Variants in BAZ1B observed in about 807,000 individuals in gnomAD.
The protein encoded by BAZ1B is tyrosine-protein kinase BAZ1B.
In BAZ1B, 22 loss-of-function variants were observed where a neutral mutation model predicts 153.8. That is an observed-to-expected ratio of 0.14 (90% confidence interval 0.10 to 0.20). BAZ1B has a LOEUF of 0.20. Ranked by LOEUF, BAZ1B falls within the 10% of genes least tolerant of loss-of-function variation. The probability of loss-of-function intolerance (pLI) is 1.00; values close to 1 mark genes in which losing one functional copy is unlikely to be tolerated. For synonymous variants in BAZ1B, 676 were observed against 633.4 expected, an observed-to-expected ratio of 1.07 and a Z score of -1.01; for missense variants, 1,325 against 1,799.3, an observed-to-expected ratio of 0.74 and a Z score of 4.77.
chr7:73,493,651 G>A (rs964807717), intron 4 of BAZ1B, among the ~76,000 whole-genome samples: 2 of 151,810 alleles, frequency 1.3e-5, no homozygotes, highest in Non-Finnish European at 2.9e-5. Flanking sequence ...GACCAGCCTG[G>A]GCAACATGGT....
chr7:73,487,315 G>A (rs781834514), intron 6 of BAZ1B, among the ~76,000 whole-genome samples: 34 of 152,110 alleles, frequency 2.2e-4, no homozygotes, highest in Non-Finnish European at 4.4e-4. Context: ...GTAGTCCCCA[G>A]CTACTAGTGA....
intron 6 of BAZ1B, 152 bp from the exon 7 acceptor site, chr7:73,478,721 G>C: frequency 1.5e-6 from 1 of 659,230 alleles, no homozygotes; most frequent in Non-Finnish European, 2.3e-6. Flanking sequence ...AAAAAACAAA[G>C]ACATGAATGT....
chr7:73,489,908 T>C (rs996896092), intron 5 of BAZ1B, among the ~76,000 whole-genome samples: 1 of 152,248 alleles, frequency 6.6e-6, no homozygotes, highest in Admixed American at 6.5e-5. Context: ...CTTTCAGCAA[T>C]TCCTCTCGTT....
intron 3 of BAZ1B, among the ~76,000 whole-genome samples, chr7:73,505,156 G>A (rs1420953130): frequency 6.6e-6 from 1 of 152,180 alleles, no homozygotes; most frequent in Non-Finnish European, 1.5e-5. Flanking sequence ...CCAAGGTCTA[G>A]CCAATAACAT....
intron 9 of BAZ1B, among the ~76,000 whole-genome samples, chr7:73,466,625 C>T (rs1788596430): frequency 6.6e-6 from 1 of 152,188 alleles, no homozygotes; most frequent in African/African-American, 2.4e-5. Context: ...AATCGTTACA[C>T]AGTTCCAAAG....
intron 1 of BAZ1B, among the ~76,000 whole-genome samples, chr7:73,518,063 G>C (rs1790883013): frequency 6.6e-6 from 1 of 152,104 alleles, no homozygotes; most frequent in African/African-American, 2.4e-5. Flanking sequence ...CTGTCTTTAA[G>C]TTAAAAACAA....
At chr7:73,505,172 G>T (rs1790286095) in intron 3 of BAZ1B, among the ~76,000 whole-genome samples, 1 of 152,188 alleles carries the variant, frequency 6.6e-6, no homozygotes, top group Middle Eastern at 3.2e-3. Context: ...AACATGTAAA[G>T]ATAAAGGGTG....
At chr7:73,491,330 G>A (rs1345217513) in intron 5 of BAZ1B, among the ~76,000 whole-genome samples, 1 of 152,090 alleles carries the variant, frequency 6.6e-6, no homozygotes, top group African/African-American at 2.4e-5. Context: ...CGGGCGTGGT[G>A]GATCACGCTT....
In BAZ1B at chr7:73,493,416, C is replaced by T. The variant is rs372283836; in HGVS notation, c.572-495G>A. Among the ~76,000 whole-genome samples the T allele has an allele frequency of 7.3e-4, 111 of 151,988 alleles. 4 individuals carry two copies. In the East Asian group the frequency reaches 0.014, roughly 19 times the overall value. Reference sequence around the variant, plus strand: ...CAGAGGTTGCAGTGAGCCAAGATCACGCCATTGCACTCCAGCCTGGGCAAC... The same window carrying T: ...CAGAGGTTGCAGTGAGCCAAGATCATGCCATTGCACTCCAGCCTGGGCAAC... On this transcript the variant is annotated intron_variant, in intron 4 of 19. Transcript: ENST00000339594.
chr7:73,484,052 G>C (rs1789301210), intron 6 of BAZ1B, among the ~76,000 whole-genome samples: 1 of 152,268 alleles, frequency 6.6e-6, no homozygotes, highest in East Asian at 1.9e-4. Flanking sequence ...TGGATCACAA[G>C]GTCCAGGGAT....
intron 4 of BAZ1B, among the ~76,000 whole-genome samples, chr7:73,494,033 G>C (rs1324323368): frequency 6.6e-6 from 1 of 152,060 alleles, no homozygotes; most frequent in African/African-American, 2.4e-5. Context: ...GCTAGCACTA[G>C]AGAACCAATG....
intron 13 of BAZ1B, among the ~76,000 whole-genome samples, chr7:73,458,071 G>A (rs1433370640): frequency 1.3e-5 from 2 of 152,204 alleles, no homozygotes; most frequent in African/African-American, 2.4e-5. Context: ...AGAGGGTCAT[G>A]AGAATCCTCA....
chr7:73,469,868 T>G (rs933931361), intron 8 of BAZ1B, among the ~76,000 whole-genome samples: 3 of 152,176 alleles, frequency 2.0e-5, no homozygotes, highest in African/African-American at 7.2e-5. Flanking sequence ...TCGTAATTTG[T>G]ATAATTTCTT....
intron 19 of BAZ1B, 104 bp downstream of exon 19, chr7:73,442,077 G>A (rs1787639189): frequency 1.3e-6 from 1 of 799,228 alleles, no homozygotes; most frequent in Admixed American, 2.4e-5. Flanking sequence ...AGCTTGGGAT[G>A]ACAGGCGTTT....
At chr7:73,448,912 G>T (rs1554567381) in intron 15 of BAZ1B, among the ~76,000 whole-genome samples, 2 of 152,192 alleles carry the variant, frequency 1.3e-5, no homozygotes. Context: ...TTCTGGTGTT[G>T]CAATAGTTGG....
chr7:73,479,565 T>C (rs568690581), intron 6 of BAZ1B, among the ~76,000 whole-genome samples: 1 of 151,250 alleles, frequency 6.6e-6, no homozygotes, highest in Admixed American at 6.6e-5. Flanking sequence ...CCATCCTCTC[T>C]TTGAACATAC....
rs1554571712 is a variant in BAZ1B, at chr7:73,469,655, A to G, written c.2733-5T>C. 1 of 1,613,946 alleles carries G rather than the reference A, an allele frequency of 6.2e-7. No individual in the cohort carries two copies. Among genetic ancestry groups the G allele is most frequent in the Non-Finnish European group, 8.5e-7 (1 of 1,179,884 alleles). On this transcript the variant is annotated splice_polypyrimidine_tract_variant and splice_region_variant and intron_variant, in intron 8 of 19. Transcript: ENST00000339594. ...TCATCTGAGAAGAGCCAGTATCTAC[A>G]AATCACAACCAGTATTAATAAGACA... is the stretch of plus-strand genomic sequence containing the variant.
intron 16 of BAZ1B, among the ~76,000 whole-genome samples, chr7:73,444,651 G>T (rs1787756437): frequency 6.6e-6 from 1 of 152,170 alleles, no homozygotes; most frequent in Non-Finnish European, 1.5e-5. Flanking sequence ...GGGCCACAAG[G>T]CTCCTCATTA....
rs572815339 is a variant in BAZ1B at position 73,510,960 on chromosome 7, G to A, written c.108-108C>T. On this transcript the variant is annotated intron_variant, in intron 1 of 19. Transcript: ENST00000339594. ...AAATCTAGTCTCCTTTTTAAAATGT[G>A]TAGCATGAGAGGATAAAAATGGAAT... is the stretch of plus-strand genomic sequence containing the variant. The A allele has an allele frequency of 1.7e-5, 15 of 900,484 alleles. 1 individual carries two copies. The highest frequency in any genetic ancestry group is 5.1e-4 in the Middle Eastern group (2 of 3,914). The allele number at this position is 900,484 out of a possible 1,614,324, so 55.8% of individuals were successfully genotyped here. A position where few individuals can be genotyped will look rare whatever the true frequency, so the allele number is the denominator to read the frequency against.
Sources: gnomAD v4.1 joint callset for allele counts (sites outside exome capture counted in the v4.1 genomes callset) on GRCh38, gnomAD v4.1.1 for gene constraint, MANE v1.5 for transcripts, NCBI Gene and HGNC (gene_info 2026-07-23, HGNC 2026-07-21) for gene names.